CNOT1: variants seen among roughly 807,000 people sequenced by gnomAD.
CNOT1 encodes the protein CCR4-NOT transcription complex subunit 1.
A neutral mutation model predicts 273.8 loss-of-function variants in CNOT1; 15 were observed. That is an observed-to-expected ratio of 0.05 (90% confidence interval 0.04 to 0.08). CNOT1 has a LOEUF of 0.08. Among genes scored for constraint, CNOT1 ranks in the 10% least tolerant of loss-of-function variants. The pLI is 1.00. For missense variants in CNOT1, 1,644 were observed against 2,912.2 expected (o/e 0.56, Z 10.02); for synonymous variants, 1,022 against 1,005.5 (o/e 1.02, Z -0.31).
At position 58,547,126 on chromosome 16, in the gene CNOT1, A is replaced by C; in HGVS notation, c.3750+60T>G. The C allele has an allele frequency of 6.4e-7, 1 of 1,571,542 alleles. No individual in the cohort carries two copies. Among genetic ancestry groups the C allele is most frequent in the African/African-American group, 1.4e-5 (1 of 73,244 alleles). ...ACTAAGAATATAATCTCTTGACCTC[A>C]TGCTAAAACAAAGCAATGCTTAGAA... is the stretch of plus-strand genomic sequence containing the variant. On this transcript the variant is annotated intron_variant, in intron 27 of 48. Transcript: ENST00000317147. The surrounding 1 kb of genome is among the most constrained non-coding windows in gnomAD (Gnocchi z 4.0).
chr16:58,536,916 T>C (rs1392906457), intron 39 of CNOT1, 73 bp downstream of exon 39: 2 of 1,570,302 alleles, frequency 1.3e-6, no homozygotes, highest in African/African-American at 2.7e-5. Context: ...TACGCAATAC[T>C]GAGCTTTAAT....
intron 19 of CNOT1, 91 bp downstream of exon 19, chr16:58,556,756 T>A: frequency 3.3e-6 from 5 of 1,512,058 alleles, no homozygotes; most frequent in Non-Finnish European, 4.4e-6. Context: ...AGGAGGCACA[T>A]CAACACATGG....
chr16:58,589,234 C>A (rs1338344792), intron 2 of CNOT1, among the ~76,000 whole-genome samples: 1 of 152,120 alleles, frequency 6.6e-6, no homozygotes, highest in Non-Finnish European at 1.5e-5. Context: ...TTTCCTGGGC[C>A]GGGTGCAGTG....
At chr16:58,529,539 TAAG>T (rs1211861455) in intron 43 of CNOT1, among the ~76,000 whole-genome samples, 1 of 152,132 alleles carries the variant, frequency 6.6e-6, no homozygotes, top group Non-Finnish European at 1.5e-5. Context: ...AAAACCTCAT[TAAG>T]AAGTCATCAA....
At chr16:58,573,682 C>T (rs953122628) in intron 16 of CNOT1, among the ~76,000 whole-genome samples, 1 of 151,900 alleles carries the variant, frequency 6.6e-6, no homozygotes, top group Non-Finnish European at 1.5e-5. Context: ...AGGGTTTCAC[C>T]GTGTTAGTCA....
At chr16:58,554,744 T>G (rs1010162236) in intron 21 of CNOT1, among the ~76,000 whole-genome samples, 2 of 150,870 alleles carry the variant, frequency 1.3e-5, no homozygotes, top group African/African-American at 4.9e-5. Context: ...AAGACCAGCC[T>G]GGCCAACATG....
At chr16:58,599,164 T>A in intron 2 of CNOT1, 72 bp downstream of exon 2, 1 of 1,578,450 alleles carries the variant, frequency 6.3e-7, no homozygotes, top group East Asian at 2.3e-5. Context: ...CATGCCCACA[T>A]AAATGTGTGG....
In CNOT1 at chr16:58,523,443, G is replaced by A. The variant is rs772954031; in HGVS notation, c.6844C>T (p.His2282Tyr). The A allele has an allele frequency of 1.2e-6, 2 of 1,613,964 alleles. No individual in the cohort carries two copies. The highest frequency in any genetic ancestry group is 2.7e-5 in the African/African-American group (2 of 74,940). ...NQLRYPNSHT[H>Y]YFSCTMLYLF... Reference sequence around the variant, plus strand: ...TACAGCATGGTGCAACTGAAGTAGTGAGTGTGGCTATTTGGGTACCGGAGC... The same window carrying A: ...TACAGCATGGTGCAACTGAAGTAGTAAGTGTGGCTATTTGGGTACCGGAGC... Residue 2282 changes from histidine (H) to tyrosine (Y), a missense_variant, in exon 47 of 49, where the codon CAC (histidine) becomes TAC (tyrosine). Transcript: ENST00000317147.
intron 1 of CNOT1, among the ~76,000 whole-genome samples, chr16:58,603,296 G>A (rs1456423951): frequency 6.6e-6 from 1 of 152,170 alleles, no homozygotes; most frequent in East Asian, 1.9e-4. Context: ...TTGTGATGCT[G>A]AGGCAGGAGG....
At chr16:58,534,044 G>A (rs1218875592) in intron 40 of CNOT1, 103 bp downstream of exon 40, 6 of 1,180,084 alleles carry the variant, frequency 5.1e-6, no homozygotes, top group Admixed American at 4.4e-5. Flanking sequence ...GTGACAGAGT[G>A]AGACTCTCTC....
At chr16:58,620,034 C>T (rs1201154117) in intron 1 of CNOT1, among the ~76,000 whole-genome samples, 6 of 152,048 alleles carry the variant, frequency 3.9e-5, no homozygotes, top group Non-Finnish European at 8.8e-5. Context: ...GTTACTTGCT[C>T]ATTCAAGCAG....
At chr16:58,572,485 T>C (rs1305340862) in intron 16 of CNOT1, among the ~76,000 whole-genome samples, 1 of 151,728 alleles carries the variant, frequency 6.6e-6, no homozygotes, top group African/African-American at 2.4e-5. Flanking sequence ...AAATAAAAAA[T>C]TAGCTGGGCA....
chr16:58,539,466 T>TACACACACACACAC (rs55998166), intron 35 of CNOT1, among the ~76,000 whole-genome samples: 7 of 145,680 alleles, frequency 4.8e-5, no homozygotes, highest in African/African-American at 1.8e-4. Flanking sequence ...CCCTGTCTCT[T>TACACACACACACAC]ACACACACAC....
In CNOT1 at chr16:58,521,327, G is replaced by A. The variant is rs775357070; in HGVS notation, c.6918-10C>T. 1.9e-5 allele frequency: 30 copies of A among 1,594,270 alleles called. No individual in the cohort carries two copies. The South Asian group carries it at 3.3e-4, about 18-fold the overall frequency. On this transcript the variant is annotated splice_polypyrimidine_tract_variant and intron_variant, in intron 47 of 48. Transcript: ENST00000317147. ...CCGTTCCAAGAGAACTCTGGAAAAA[G>A]GGAGAAAGAGCTAGTTAATGTATAG...
chr16:58,581,198 C>G, intron 11 of CNOT1, 147 bp downstream of exon 11: 1 of 894,550 alleles, frequency 1.1e-6, no homozygotes. Flanking sequence ...AATATTCCTT[C>G]AATACTTATG....
intron 19 of CNOT1, among the ~76,000 whole-genome samples, chr16:58,556,585 A>C (rs973381994): frequency 1.3e-5 from 2 of 152,240 alleles, no homozygotes; most frequent in Admixed American, 6.5e-5. Context: ...TTACATTCGT[A>C]TATCTACCAC....
intron 2 of CNOT1, among the ~76,000 whole-genome samples, chr16:58,591,922 C>T (rs1222518945): frequency 6.6e-6 from 1 of 151,908 alleles, no homozygotes; most frequent in East Asian, 1.9e-4. Flanking sequence ...AAATCTCTGA[C>T]ATCATAGACT....
chr16:58,525,989 C>T lies in CNOT1; in HGVS notation c.6603G>A (p.Gln2201=). Residue 2201 remains glutamine (Q), a splice_region_variant and synonymous_variant, in exon 45 of 49, where the codon CAG becomes CAA. Transcript: ENST00000317147. ...TFLSDLRSNL[Q]VSNEPGNRYN... is the part of the protein sequence containing the mutation. ...TGAGTTTTAAGCCAAACCAATTAAC[C>T]TGTAGGTTGCTGCGCAGATCAGACA... 1 of 1,613,840 alleles carries T rather than the reference C, an allele frequency of 6.2e-7. No homozygotes were observed. The highest frequency in any genetic ancestry group is 1.7e-5 in the Admixed American group (1 of 60,010).
Position 58,582,918 on chromosome 16 carries a change from C to G in CNOT1, c.934-15G>C. On this transcript the variant is annotated splice_polypyrimidine_tract_variant and intron_variant, in intron 9 of 48. Transcript: ENST00000317147. ...GCAGAAATACTCTGTAGAAGTAAAA[C>G]TTGAATTAAACAAACCCAACTACTC... The G allele has an allele frequency of 6.2e-7, 1 of 1,613,376 alleles. No individual in the cohort carries two copies. The highest frequency in any genetic ancestry group is 8.5e-7 in the Non-Finnish European group (1 of 1,179,508).
Sources: gnomAD v4.1 joint callset for allele counts (sites outside exome capture counted in the v4.1 genomes callset) on GRCh38, gnomAD v4.1.1 for gene constraint, Gnocchi (gnomAD v3.1) non-coding constraint, MANE v1.5 for transcripts, NCBI Gene and HGNC (gene_info 2026-07-23, HGNC 2026-07-21) for gene names.